ACOT7: variants seen among roughly 807,000 people sequenced by gnomAD.
The protein encoded by ACOT7 is cytosolic acyl coenzyme A thioester hydrolase.
In ACOT7, 12 loss-of-function variants were observed where a neutral mutation model predicts 40.2. The ratio of observed to expected loss-of-function variants is 0.30; its 90% CI spans 0.19 to 0.48. The LOEUF is 0.48. Among genes scored for constraint, ACOT7 ranks in the 20% least tolerant of loss-of-function variants. The pLI is 0.99. For missense variants in ACOT7, 395 were observed against 530.8 expected, an observed-to-expected ratio of 0.74 and a Z score of 2.51; for synonymous variants, 228 against 219.5, an observed-to-expected ratio of 1.04 and a Z score of -0.34.
At chr1:6,390,765 G>C (rs1030181730) in intron 1 of ACOT7, among the ~76,000 whole-genome samples, 9 of 136,628 alleles carry the variant, frequency 6.6e-5, no homozygotes, top group African/African-American at 2.5e-4. Flanking sequence ...GTGAAACCCC[G>C]TCTCTACTAA....
chr1:6,373,625 G>A (rs1173128219), intron 1 of ACOT7, among the ~76,000 whole-genome samples: 1 of 152,000 alleles, frequency 6.6e-6, no homozygotes, highest in African/African-American at 2.4e-5. Flanking sequence ...AGCACTTTGA[G>A]AGGCCAAGGT....
In ACOT7 at chr1:6,385,739, C is replaced by T. The variant is rs1049391703; in HGVS notation, c.143+7518G>A. The T allele has an allele frequency of 3.3e-6, 5 of 1,529,124 alleles. No homozygotes were observed. In the Admixed American group the frequency reaches 9.9e-5, roughly 30 times the overall value. The allele number at this position is 1,529,124 out of a possible 1,614,324, so 94.7% of individuals were successfully genotyped here. On this transcript the variant is annotated intron_variant, in intron 1 of 8. Transcript: ENST00000361521. Reference sequence around the variant, plus strand: ...CAGCAGAGCCCAAGCCTGTGTCTGCCTGGCCGGCTCAGCAGTGAGCCGGTG... The same window carrying T: ...CAGCAGAGCCCAAGCCTGTGTCTGCTTGGCCGGCTCAGCAGTGAGCCGGTG...
intron 1 of ACOT7, among the ~76,000 whole-genome samples, chr1:6,388,261 C>T (rs913558969): frequency 3.3e-5 from 5 of 151,982 alleles, no homozygotes; most frequent in Non-Finnish European, 7.4e-5. Context: ...AGGCGCACAC[C>T]GCCACGCCCG....
At chr1:6,292,027 C>T (rs1639680013) in intron 7 of ACOT7, among the ~76,000 whole-genome samples, 1 of 152,188 alleles carries the variant, frequency 6.6e-6, no homozygotes, top group Non-Finnish European at 1.5e-5. Flanking sequence ...CTGCAAAGGA[C>T]CTGGCAGGTG....
chr1:6,336,635 G>A (rs1050547133), intron 3 of ACOT7, among the ~76,000 whole-genome samples: 9 of 152,098 alleles, frequency 5.9e-5, no homozygotes, highest in Non-Finnish European at 1.2e-4. Flanking sequence ...AGCCTGCTCC[G>A]GGCCAGGGTC....
chr1:6,292,273 GC>G (rs991080118), intron 7 of ACOT7, among the ~76,000 whole-genome samples: 7 of 152,284 alleles, frequency 4.6e-5, no homozygotes, highest in Non-Finnish European at 8.8e-5. Context: ...CCCGGCCACA[GC>G]CGAGACGAGG....
At chr1:6,315,774 A>AG (rs1344661689) in intron 6 of ACOT7, among the ~76,000 whole-genome samples, 1 of 149,956 alleles carries the variant, frequency 6.7e-6, no homozygotes, top group East Asian at 1.9e-4. Context: ...AAAAAAAAAA[A>AG]AAAAAGAGAG....
At position 6,282,278 on chromosome 1, in the gene ACOT7, A is replaced by G. The variant is rs141406793; in HGVS notation, c.830-992T>C. Among the ~76,000 whole-genome samples the G allele has an allele frequency of 6.6e-6, 1 of 152,106 alleles. No homozygotes were observed. The highest frequency in any genetic ancestry group is 1.9e-4 in the East Asian group (1 of 5,144). On this transcript the variant is annotated intron_variant, in intron 7 of 8. Coordinates refer to ENST00000361521, the MANE Select transcript of ACOT7 (RefSeq NM_007274.4). This position sits in a 1 kb window ranked among gnomAD's most constrained non-coding sequence, Gnocchi z 4.5. Reference sequence around the variant, plus strand: ...AGGCATGAGACACCCTGCCTGGGGGATAGCTACGGGATGGAAGGACTCAAG... The same window carrying G: ...AGGCATGAGACACCCTGCCTGGGGGGTAGCTACGGGATGGAAGGACTCAAG...
chr1:6,305,305 A>C (rs1191733735), intron 6 of ACOT7, among the ~76,000 whole-genome samples: 3 of 93,394 alleles, frequency 3.2e-5, no homozygotes, highest in East Asian at 2.9e-4. Flanking sequence ...GGGGCTCCTC[A>C]CTTCCCAGTA....
At chr1:6,336,761 G>C (rs1056907501) in intron 3 of ACOT7, among the ~76,000 whole-genome samples, 1 of 121,972 alleles carries the variant, frequency 8.2e-6, no homozygotes, top group Admixed American at 7.1e-5. Flanking sequence ...TTGCTGTTGG[G>C]GCCTTCGAGT....
intron 8 of ACOT7, among the ~76,000 whole-genome samples, chr1:6,270,645 A>C (rs962857146): frequency 1.3e-5 from 2 of 152,170 alleles, no homozygotes; most frequent in African/African-American, 4.8e-5. Flanking sequence ...AGGTTTGTTC[A>C]CCTGGAAACA....
chr1:6,339,942 G>T lies in ACOT7; in HGVS notation c.262-353C>A, dbSNP rs530296628. Among the ~76,000 whole-genome samples the T allele has an allele frequency of 1.0e-4, 15 of 143,736 alleles. 1 individual carries two copies. In the South Asian group the frequency reaches 3.3e-3, roughly 32 times the overall value. The allele number at this position is 143,736 out of a possible 152,430, so 94.3% of individuals were successfully genotyped here. On this transcript the variant is annotated intron_variant, in intron 2 of 8. Transcript: ENST00000361521. ...GCTGGGACTACAGCCACCACGCCCA[G>T]CTAATTTTTTGTTTTTTTGTTTTGT...
chr1:6,300,345 C>G (rs954523877), intron 6 of ACOT7, among the ~76,000 whole-genome samples: 1 of 152,174 alleles, frequency 6.6e-6, no homozygotes, highest in African/African-American at 2.4e-5. Flanking sequence ...GAAGCTGGTG[C>G]CAGGCATGGC....
intron 1 of ACOT7, among the ~76,000 whole-genome samples, chr1:6,371,304 T>C (rs1169770046): frequency 6.6e-6 from 1 of 152,050 alleles, no homozygotes; most frequent in African/African-American, 2.4e-5. Context: ...TAAATGAGCA[T>C]TGGCTTCAAC....
chr1:6,388,485 T>C (rs1642477405), intron 1 of ACOT7, among the ~76,000 whole-genome samples: 1 of 151,014 alleles, frequency 6.6e-6, no homozygotes, highest in Admixed American at 6.6e-5. Flanking sequence ...ACACCTGTAA[T>C]TCCAGCACTT....
At chr1:6,319,440 G>A (rs1039888799) in intron 5 of ACOT7, among the ~76,000 whole-genome samples, 10 of 152,140 alleles carry the variant, frequency 6.6e-5, no homozygotes, top group African/African-American at 9.7e-5. Flanking sequence ...TGATCCACCC[G>A]CCTCAGCCTC....
intron 6 of ACOT7, among the ~76,000 whole-genome samples, chr1:6,308,885 C>G (rs1640252441): frequency 6.6e-6 from 1 of 152,186 alleles, no homozygotes. Flanking sequence ...TCTCCCCAGA[C>G]CCTCCTAGAC....
intron 1 of ACOT7, among the ~76,000 whole-genome samples, chr1:6,363,658 C>G (rs910711113): frequency 6.6e-6 from 1 of 152,184 alleles, no homozygotes; most frequent in Non-Finnish European, 1.5e-5. Flanking sequence ...GAAGGGCCCC[C>G]TGTCCAGTGC....
chr1:6,330,938 T>C lies in ACOT7; in HGVS notation c.510+2539A>G, dbSNP rs1004329485. 6.6e-6 allele frequency among the ~76,000 whole-genome samples: 1 copy of C among 152,234 alleles called. No individual in the cohort carries two copies. The highest frequency in any genetic ancestry group is 2.4e-5 in the African/African-American group (1 of 41,456). ...TGAAAATTAAATCCGTTAAATGCTA[T>C]GTCTCAATATTTACATGTGATGTGG... On this transcript the variant is annotated intron_variant, in intron 4 of 8. Transcript: ENST00000361521. The surrounding 1 kb of genome is among the most constrained non-coding windows in gnomAD (Gnocchi z 4.6).
Sources: gnomAD v4.1 joint callset for allele counts (sites outside exome capture counted in the v4.1 genomes callset) on GRCh38, gnomAD v4.1.1 for gene constraint, Gnocchi (gnomAD v3.1) non-coding constraint, MANE v1.5 for transcripts, NCBI Gene and HGNC (gene_info 2026-07-23, HGNC 2026-07-21) for gene names.